The following ZNHIT3 variants were observed in gnomAD, a reference collection of about 807,000 sequenced individuals.
ZNHIT3 encodes zinc finger HIT domain-containing protein 3.
ZNHIT3 carries 27 observed loss-of-function variants against 19.9 expected under a neutral mutation model. That is an observed-to-expected ratio of 1.36 (90% CI 1.00 to 1.87). ZNHIT3 has a LOEUF of 1.87. Ranked by LOEUF, ZNHIT3 falls within the 40% of genes most tolerant of loss-of-function variation. ZNHIT3 has a pLI of 0.00. For synonymous variants in ZNHIT3, 81 were observed against 65.7 expected (o/e 1.23, Z -1.13); for missense variants, 215 against 185.6 (o/e 1.16, Z -0.92).
At chr17:36,499,102 G>A, downstream of ZNHIT3, 1 of 1,610,504 alleles carries the variant, frequency 6.2e-7, no homozygotes, top group South Asian at 1.1e-5. Flanking sequence ...CACGCTTGAT[G>A]ACTGTGGCAG....
chr17:36,495,319 G>A lies in ZNHIT3; in HGVS notation c.383G>A (p.Arg128Lys). 4 of 1,613,910 alleles carry A rather than the reference G, an allele frequency of 2.5e-6. No individual in the cohort carries two copies. The highest frequency in any genetic ancestry group is 3.4e-6 in the Non-Finnish European group (4 of 1,180,014). Residue 128 changes from arginine to lysine, a missense_variant, in exon 5 of 5, where the codon AGA becomes AAA. By Grantham distance (26) the Arg-to-Lys change is conservative. Coordinates refer to ENST00000617429, the MANE Select transcript of ZNHIT3 (RefSeq NM_004773.4). Reference sequence around the variant, plus strand: ...GGAGAAGACAAAGCAAAGCTCATGAGAGCTTACATGCAAGAGCCTTTGTTT... The same window carrying A: ...GGAGAAGACAAAGCAAAGCTCATGAAAGCTTACATGCAAGAGCCTTTGTTT... ...DQGEDKAKLMRAYMQEPLFVE... is the reference protein window; with the variant it reads ...DQGEDKAKLMKAYMQEPLFVE...
chr17:36,492,636 C>T (rs575699292), intron 2 of ZNHIT3, 177 bp from the exon 3 acceptor site: 21 of 617,068 alleles, frequency 3.4e-5, no homozygotes, highest in East Asian at 8.1e-5. Context: ...AGCCTGCTGG[C>T]GGTTTTCCTT....
downstream of ZNHIT3, among the ~76,000 whole-genome samples, chr17:36,497,443 T>C (rs962880074): frequency 2.0e-5 from 3 of 152,146 alleles, no homozygotes; most frequent in East Asian, 3.8e-4. Context: ...CCAGTGCCAT[T>C]TGAGGTAACA....
chr17:36,496,257 C>A (rs1169468696), downstream of ZNHIT3: 3 of 1,613,958 alleles, frequency 1.9e-6, no homozygotes, highest in African/African-American at 2.7e-5. Flanking sequence ...AGGATCACCC[C>A]AGCCCAGTGA....
chr17:36,497,666 CCT>C (rs1171041957), downstream of ZNHIT3: 1 of 404,868 alleles, frequency 2.5e-6, no homozygotes, highest in African/African-American at 2.2e-5. Flanking sequence ...CTCACTGCAA[CCT>C]CTCCCTCCCA....
downstream of ZNHIT3, chr17:36,498,405 G>C (rs759458830): frequency 1.2e-6 from 2 of 1,613,896 alleles, no homozygotes; most frequent in South Asian, 2.2e-5. Flanking sequence ...ACCCATAGCC[G>C]TATTGGCCAG....
intron 4 of ZNHIT3, among the ~76,000 whole-genome samples, chr17:36,494,543 C>T (rs1231717032): frequency 1.3e-5 from 2 of 152,210 alleles, no homozygotes; most frequent in African/African-American, 4.8e-5. Context: ...TTACAACATT[C>T]TGTTACATGT....
chr17:36,497,265 T>C (rs1414098263), downstream of ZNHIT3, among the ~76,000 whole-genome samples: 1 of 150,254 alleles, frequency 6.7e-6, no homozygotes, highest in East Asian at 2.0e-4. Flanking sequence ...TTAAACCCAC[T>C]GCATTCCATC....
At chr17:36,499,216 C>A, downstream of ZNHIT3, 1 of 1,333,460 alleles carries the variant, frequency 7.5e-7, no homozygotes, top group African/African-American at 1.4e-5. Flanking sequence ...TTAGAGCTGT[C>A]AGTGACCTCG....
chr17:36,493,214 C>A (rs2070768328), intron 3 of ZNHIT3: 1 of 414,256 alleles, frequency 2.4e-6, no homozygotes, highest in Non-Finnish European at 4.4e-6. Context: ...GGTCTCCCTC[C>A]ATGAATCTGG....
downstream of ZNHIT3, chr17:36,496,063 A>G (rs556263769): frequency 1.2e-6 from 1 of 864,904 alleles, no homozygotes. Context: ...TCAGTGCTTG[A>G]TGTAGCCTGG....
rs199868804 is a variant in ZNHIT3, at chr17:36,486,831, T to C, written c.86+46T>C. The C allele has an allele frequency of 1.3e-3, 1,332 of 1,007,080 alleles. 13 individuals carry two copies. The African/African-American group carries it at 0.021, about 16-fold the overall frequency. The allele number at this position is 1,007,080 out of a possible 1,614,324, so 62.4% of individuals were successfully genotyped here. On this transcript the variant is annotated intron_variant, in intron 1 of 4. Transcript: ENST00000617429. Reference sequence around the variant, plus strand: ...GTCCAGGGGCGCGGGTGTCCGGCCATGGCGGGAGGGCGGGAGGCCGGGAGG... The same window carrying C: ...GTCCAGGGGCGCGGGTGTCCGGCCACGGCGGGAGGGCGGGAGGCCGGGAGG...
downstream of ZNHIT3, among the ~76,000 whole-genome samples, chr17:36,497,232 G>A (rs1246072631): frequency 2.6e-5 from 4 of 151,874 alleles, no homozygotes; most frequent in African/African-American, 9.7e-5. Context: ...CAGCTATTCG[G>A]GAGGCTGAGG....
downstream of ZNHIT3, chr17:36,496,284 G>C: frequency 1.2e-6 from 2 of 1,614,042 alleles, no homozygotes; most frequent in African/African-American, 1.3e-5. Context: ...AAGAGGTCAC[G>C]TGGATCAGCC....
At chr17:36,496,300 C>T (rs1410546745), downstream of ZNHIT3, 13 of 1,614,048 alleles carry the variant, frequency 8.1e-6, no homozygotes, top group Non-Finnish European at 1.0e-5. Context: ...CAGCCTGTGT[C>T]TTTCCAGCAG....
At chr17:36,496,115 C>T (rs893859821), downstream of ZNHIT3, 92 of 1,240,420 alleles carry the variant, frequency 7.4e-5, no homozygotes, top group African/African-American at 7.9e-4. Flanking sequence ...GGCTCTGGGT[C>T]GAAGGCTGGA....
rs1483128936 is a variant in ZNHIT3 at position 36,495,684 on chromosome 17, G to A, written c.*280G>A. ...GGTACAGTTGATAGACATCATAAAC[G>A]ATATCAAGCTTACACTTCATATGGA... On this transcript the variant is annotated 3_prime_UTR_variant, in exon 5 of 5. Coordinates refer to ENST00000617429, the MANE Select transcript of ZNHIT3 (RefSeq NM_004773.4). The A allele has an allele frequency of 6.3e-6, 8 of 1,264,832 alleles. No homozygotes were observed. The highest frequency in any genetic ancestry group is 6.0e-5 in the East Asian group (2 of 33,244). 78.4% of individuals were successfully genotyped at this position (1,264,832 alleles called of 1,614,324 possible). A position where few individuals can be genotyped will look rare whatever the true frequency, so the allele number is the denominator to read the frequency against.
downstream of ZNHIT3, among the ~76,000 whole-genome samples, chr17:36,496,747 G>GT (rs1412677248): frequency 6.6e-6 from 1 of 152,126 alleles, no homozygotes; most frequent in Non-Finnish European, 1.5e-5. Flanking sequence ...GAAATTTGGT[G>GT]TTTCCTTCTG....
At chr17:36,486,903 GC>G (rs777022871) in intron 1 of ZNHIT3, 31 bp from the exon 2 acceptor site, 2 of 1,601,330 alleles carry the variant, frequency 1.2e-6, no homozygotes, top group Non-Finnish European at 1.7e-6. Flanking sequence ...GACCCTCGGG[GC>G]TGACGCGGCC....
Sources: gnomAD v4.1 joint callset for allele counts (sites outside exome capture counted in the v4.1 genomes callset) on GRCh38, gnomAD v4.1.1 for gene constraint, MANE v1.5 for transcripts, NCBI Gene and HGNC (gene_info 2026-07-23, HGNC 2026-07-21) for gene names.